Variants in EGFLAM observed in about 807,000 individuals in gnomAD.
EGFLAM encodes EGF like, fibronectin type III and laminin G domains.
Under a neutral mutation model 113.1 loss-of-function variants are expected in EGFLAM, and 79 were observed. The ratio of observed to expected loss-of-function variants is 0.70; its 90% confidence interval spans 0.58 to 0.84. EGFLAM has a LOEUF of 0.84. Ranked by LOEUF, EGFLAM falls within the 40% of genes least tolerant of loss-of-function variation. EGFLAM has a pLI of 0.00. For synonymous variants in EGFLAM, 504 were observed against 487.6 expected (o/e 1.03, Z -0.44); for missense variants, 1,265 against 1,291.6 (o/e 0.98, Z 0.32).
At chr5:38,344,548 T>C (rs1015755726) in intron 3 of EGFLAM, among the ~76,000 whole-genome samples, 4 of 151,846 alleles carry the variant, frequency 2.6e-5, no homozygotes, top group African/African-American at 9.7e-5. Flanking sequence ...TAACCCAGGT[T>C]GCTTTTGTAT....
chr5:38,302,901 T>G (rs1758630141), intron 1 of EGFLAM, among the ~76,000 whole-genome samples: 1 of 152,104 alleles, frequency 6.6e-6, no homozygotes. Context: ...ATGAGAAACC[T>G]CCATCCTCAC....
chr5:38,412,427 A>G, intron 10 of EGFLAM, 77 bp from the exon 11 acceptor site: 1 of 1,607,812 alleles, frequency 6.2e-7, no homozygotes, highest in East Asian at 2.2e-5. Flanking sequence ...GTTGACCTGG[A>G]AGTGACGTCC....
intron 3 of EGFLAM, among the ~76,000 whole-genome samples, chr5:38,349,967 A>G (rs1446743411): frequency 1.6e-4 from 14 of 89,558 alleles, no homozygotes; most frequent in Admixed American, 4.0e-4. Context: ...ACACACACAC[A>G]CACACACACA....
rs117562990 is a variant in EGFLAM at position 38,369,817 on chromosome 5, G to A, written c.546-479G>A. Among the ~76,000 whole-genome samples, 173 of 152,340 alleles carry A rather than the reference G, an allele frequency of 1.1e-3. 4 individuals are homozygous for A. The South Asian group carries it at 0.021, about 18-fold the overall frequency. On this transcript the variant is annotated intron_variant, in intron 5 of 21. Coordinates refer to ENST00000322350, the MANE Select transcript of EGFLAM (RefSeq NM_152403.4). ...TGTATAATTAAGACTAAGAATGTCC[G>A]TGAACAGATTCTTCTTGGGTTTTCC...
intron 15 of EGFLAM, among the ~76,000 whole-genome samples, chr5:38,433,547 G>C (rs1742252268): frequency 6.6e-6 from 1 of 152,198 alleles, no homozygotes; most frequent in African/African-American, 2.4e-5. Flanking sequence ...GTCAGCAGGA[G>C]GGTGCTGCAT....
Position 38,406,978 on chromosome 5 carries a change from C to T in EGFLAM, c.979C>T (p.Pro327Ser), listed in dbSNP as rs1219190624. Reference sequence around the variant, plus strand: ...GACCACGGTGGCTCCCCAGCCCATTCCCATACAGAGAAAGGGGAAGAATGG... The same window carrying T: ...GACCACGGTGGCTCCCCAGCCCATTTCCATACAGAGAAAGGGGAAGAATGG... Reference protein sequence around the residue: ...PVTTVAPQPIPIQRKGKNGVA... With the variant: ...PVTTVAPQPISIQRKGKNGVA... Residue 327 changes from proline (P) to serine (S), a missense_variant, in exon 8 of 22, where the codon CCC becomes TCC. Physicochemically the swap from Pro to Ser is moderately conservative, Grantham distance 74 (BLOSUM62 -1). Coordinates refer to ENST00000322350, the MANE Select transcript of EGFLAM (RefSeq NM_152403.4). 1 of 1,614,186 alleles carries T rather than the reference C, an allele frequency of 6.2e-7. No homozygotes were observed. The highest frequency in any genetic ancestry group is 1.6e-4 in the Middle Eastern group (1 of 6,062).
chr5:38,447,095 G>C (rs558303708), intron 17 of EGFLAM, among the ~76,000 whole-genome samples: 1 of 152,260 alleles, frequency 6.6e-6, no homozygotes, highest in Non-Finnish European at 1.5e-5. Flanking sequence ...AAAGAGGAAA[G>C]AGATATTGCT....
intron 3 of EGFLAM, among the ~76,000 whole-genome samples, chr5:38,343,446 T>C (rs1404309360): frequency 6.7e-6 from 1 of 150,002 alleles, no homozygotes; most frequent in Admixed American, 6.7e-5. Context: ...GGACTAGCAA[T>C]GGTTCTCAAC....
At chr5:38,295,654 C>G (rs113489301) in intron 1 of EGFLAM, among the ~76,000 whole-genome samples, 3 of 152,268 alleles carry the variant, frequency 2.0e-5, no homozygotes, top group African/African-American at 7.2e-5. Flanking sequence ...AAATTTACCC[C>G]TTTTAACTTC....
chr5:38,406,330 C>A, intron 7 of EGFLAM, 89 bp downstream of exon 7: 1 of 1,115,688 alleles, frequency 9.0e-7, no homozygotes, highest in Non-Finnish European at 1.3e-6. Context: ...AAACATTTTA[C>A]TTAAAACTTA....
chr5:38,276,639 G>T (rs1427435880), intron 1 of EGFLAM, among the ~76,000 whole-genome samples: 2 of 151,684 alleles, frequency 1.3e-5, no homozygotes, highest in Admixed American at 6.6e-5. Context: ...CAAAGAGTTG[G>T]TTTTTTTAAA....
chr5:38,342,698 G>C (rs772918753), intron 3 of EGFLAM, among the ~76,000 whole-genome samples: 9 of 152,146 alleles, frequency 5.9e-5, no homozygotes, highest in Non-Finnish European at 1.2e-4. Context: ...AAATTTTTTA[G>C]AGTTAGAAAT....
intron 20 of EGFLAM, among the ~76,000 whole-genome samples, chr5:38,460,292 T>G (rs1349597865): frequency 1.3e-5 from 2 of 152,222 alleles, no homozygotes; most frequent in African/African-American, 4.8e-5. Context: ...TGGGGTTTGA[T>G]TATGTGTATC....
chr5:38,403,931 A>T, intron 6 of EGFLAM: 1 of 1,613,480 alleles, frequency 6.2e-7, no homozygotes. Flanking sequence ...TTCAGTTGAC[A>T]GGTGGACTAC....
intron 1 of EGFLAM, among the ~76,000 whole-genome samples, chr5:38,280,898 G>C (rs1344128409): frequency 6.6e-6 from 1 of 152,198 alleles, no homozygotes; most frequent in Non-Finnish European, 1.5e-5. Flanking sequence ...AACTCTCTGA[G>C]AATTAGGTCT....
At chr5:38,368,283 T>C (rs909792581) in intron 5 of EGFLAM, among the ~76,000 whole-genome samples, 9 of 152,222 alleles carry the variant, frequency 5.9e-5, no homozygotes, top group African/African-American at 1.9e-4. Context: ...TTCTCTTCGA[T>C]GATAAAGTTA....
intron 1 of EGFLAM, among the ~76,000 whole-genome samples, chr5:38,281,155 T>C (rs912825199): frequency 4.6e-5 from 7 of 152,220 alleles, no homozygotes; most frequent in Admixed American, 3.3e-4. Context: ...GTCAACAACA[T>C]TGTATTTTAC....
At chr5:38,337,030 A>G (rs1362595168) in intron 1 of EGFLAM, among the ~76,000 whole-genome samples, 1 of 152,232 alleles carries the variant, frequency 6.6e-6, no homozygotes, top group Admixed American at 6.5e-5. Flanking sequence ...ATAGTAAAGC[A>G]TTTGAAATTT....
chr5:38,321,773 G>A (rs1738749074), intron 1 of EGFLAM, among the ~76,000 whole-genome samples: 1 of 152,156 alleles, frequency 6.6e-6, no homozygotes, highest in Non-Finnish European at 1.5e-5. Context: ...ACCCAGCTGA[G>A]CCCAGTTTGT....
Sources: allele counts gnomAD v4.1 joint callset (sites outside exome capture counted in the v4.1 genomes callset), GRCh38; gene constraint gnomAD v4.1.1; transcripts MANE v1.5; gene names NCBI Gene and HGNC (gene_info 2026-07-23, HGNC 2026-07-21).